RAP1GAP2: variants seen among roughly 807,000 people sequenced by gnomAD.
The protein encoded by RAP1GAP2 is rap1 GTPase-activating protein 2.
Under a neutral mutation model 95.0 loss-of-function variants are expected in RAP1GAP2, and 27 were observed. The observed-to-expected ratio is 0.28, with a 90% confidence interval of 0.21 to 0.39. The LOEUF (loss-of-function observed/expected upper bound fraction) is 0.39. RAP1GAP2 is among the 10% of genes least tolerant of loss of function. The pLI, the probability that RAP1GAP2 is intolerant of heterozygous loss-of-function variation, is 1.00. For synonymous variants in RAP1GAP2, 373 were observed against 380.9 expected (o/e 0.98, Z 0.24); for missense variants, 771 against 970.0 (o/e 0.79, Z 2.72).
intron 3 of RAP1GAP2, among the ~76,000 whole-genome samples, chr17:2,931,805 G>C (rs1177022094): frequency 6.6e-6 from 1 of 152,228 alleles, no homozygotes; most frequent in Non-Finnish European, 1.5e-5. Flanking sequence ...CAAGTGAGGA[G>C]GCTGGCGCCT....
rs1567829696 is a variant in RAP1GAP2, at chr17:2,963,475, C to T, written c.279+13C>T. On this transcript the variant is annotated intron_variant, in intron 6 of 24. Coordinates refer to ENST00000254695, the MANE Select transcript of RAP1GAP2 (RefSeq NM_015085.5). The surrounding 1 kb of genome is among the most constrained non-coding windows in gnomAD (Gnocchi z 4.8). ...CAGCATCGACGAGGTAGGTGCCCTC[C>T]CCTCACTCCCACCTGCCCTGCAGCC... 2.5e-6 allele frequency: 4 copies of T among 1,613,826 alleles called. No individual in the cohort carries two copies. In the South Asian group the frequency reaches 3.3e-5, roughly 13 times the overall value.
At chr17:2,795,108 C>T (rs184040859), upstream of RAP1GAP2, among the ~76,000 whole-genome samples, 3 of 151,936 alleles carry the variant, frequency 2.0e-5, no homozygotes, top group African/African-American at 7.2e-5. Context: ...GAACTCCTGA[C>T]CTCAGGTGAT....
intron 13 of RAP1GAP2, among the ~76,000 whole-genome samples, chr17:2,997,482 T>C (rs1394813698): frequency 6.6e-6 from 1 of 152,194 alleles, no homozygotes; most frequent in South Asian, 2.1e-4. Flanking sequence ...AATGACAGGC[T>C]CTACCAGGGC....
intron 2 of RAP1GAP2, among the ~76,000 whole-genome samples, chr17:2,816,486 C>T (rs1052817410): frequency 3.9e-5 from 6 of 151,900 alleles, no homozygotes; most frequent in Admixed American, 3.3e-4. Flanking sequence ...CACAGGCGCC[C>T]GACACCACAC....
At chr17:2,766,124 G>C (rs545032426) in intron 1 of RAP1GAP2, among the ~76,000 whole-genome samples, 15 of 152,310 alleles carry the variant, frequency 9.8e-5, no homozygotes, top group African/African-American at 3.6e-4. Flanking sequence ...CCATGGGGGC[G>C]GTGGCAGCCT....
chr17:2,809,485 G>A (rs1234852817), intron 2 of RAP1GAP2, among the ~76,000 whole-genome samples: 3 of 152,102 alleles, frequency 2.0e-5, no homozygotes, highest in East Asian at 3.9e-4. Context: ...CCCGCCAGCC[G>A]AGACCCAACC....
intron 12 of RAP1GAP2, among the ~76,000 whole-genome samples, chr17:2,993,988 G>T (rs1213916369): frequency 6.6e-6 from 1 of 152,240 alleles, no homozygotes; most frequent in East Asian, 1.9e-4. Flanking sequence ...TGAGGCTGCA[G>T]TCAGCCATGA....
intron 2 of RAP1GAP2, among the ~76,000 whole-genome samples, chr17:2,828,464 A>C (rs1422619122): frequency 2.0e-5 from 3 of 150,824 alleles, no homozygotes; most frequent in Admixed American, 2.0e-4. Flanking sequence ...CGAAGGAAGA[A>C]AAGGAGCCAG....
chr17:2,794,143 G>A (rs922202957), upstream of RAP1GAP2, among the ~76,000 whole-genome samples: 3 of 151,152 alleles, frequency 2.0e-5, no homozygotes, highest in Admixed American at 1.3e-4. Flanking sequence ...TTCTCTGTCA[G>A]TTCTCTTCTC....
chr17:2,866,692 C>T lies in RAP1GAP2; in HGVS notation c.81-38592C>T, dbSNP rs1247777693. Among the ~76,000 whole-genome samples, 12 of 151,926 alleles carry T rather than the reference C, an allele frequency of 7.9e-5. No homozygotes were observed. Among genetic ancestry groups the T allele is most frequent in the Non-Finnish European group, 7.4e-5 (5 of 67,990 alleles). Reference sequence around the variant, plus strand: ...TCGGCTCACTGCAGCCTCCGCCTCCCGGGTTCAAGCGATTCTCCTGTCTCA... The same window carrying T: ...TCGGCTCACTGCAGCCTCCGCCTCCTGGGTTCAAGCGATTCTCCTGTCTCA... On this transcript the variant is annotated intron_variant, in intron 2 of 24. Transcript: ENST00000254695. The surrounding 1 kb of genome is among the most constrained non-coding windows in gnomAD (Gnocchi z 4.0).
intron 12 of RAP1GAP2, among the ~76,000 whole-genome samples, chr17:2,992,492 AG>A (rs2045797767): frequency 6.6e-6 from 1 of 152,054 alleles, no homozygotes; most frequent in African/African-American, 2.4e-5. Context: ...GCAGTAAGAT[AG>A]AACATTGGGG....
chr17:2,858,752 A>T (rs2072251500), intron 2 of RAP1GAP2, among the ~76,000 whole-genome samples: 1 of 152,154 alleles, frequency 6.6e-6, no homozygotes, highest in Non-Finnish European at 1.5e-5. Flanking sequence ...TCTACAAAAA[A>T]AATAAAAAAA....
intron 8 of RAP1GAP2, among the ~76,000 whole-genome samples, chr17:2,977,030 G>A (rs562804919): frequency 1.3e-4 from 19 of 151,652 alleles, no homozygotes; most frequent in South Asian, 2.1e-4. Context: ...CCAGCTACTC[G>A]GGAGGCGGAG....
chr17:2,889,392 T>G (rs1316697018), intron 2 of RAP1GAP2, among the ~76,000 whole-genome samples: 1 of 152,028 alleles, frequency 6.6e-6, no homozygotes, highest in East Asian at 1.9e-4. Flanking sequence ...GTGGTCAGGG[T>G]GCGTGTTAGA....
chr17:2,816,662 CT>C (rs2070044779), intron 2 of RAP1GAP2, among the ~76,000 whole-genome samples: 1 of 125,260 alleles, frequency 8.0e-6, no homozygotes, highest in Admixed American at 7.6e-5. Flanking sequence ...TATTATAAAA[CT>C]TACCATTTAA....
intron 2 of RAP1GAP2, among the ~76,000 whole-genome samples, chr17:2,872,213 C>CAA (rs562587177): frequency 0.16 from 11,925 of 75,330 alleles, 1,298 homozygotes; most frequent in African/African-American, 0.25. Context: ...GCCTCTGTCT[C>CAA]AAAAAAAAAA....
intron 3 of RAP1GAP2, among the ~76,000 whole-genome samples, chr17:2,948,603 TG>T (rs1395634827): frequency 6.8e-6 from 1 of 147,890 alleles, no homozygotes; most frequent in Non-Finnish European, 1.5e-5. Flanking sequence ...AAGGAAGAGG[TG>T]GCTGCCTGTC....
chr17:3,010,509 G>A (rs1423675527), intron 17 of RAP1GAP2, among the ~76,000 whole-genome samples: 1 of 152,160 alleles, frequency 6.6e-6, no homozygotes, highest in Non-Finnish European at 1.5e-5. Context: ...TCCTGGAGAT[G>A]CTTGTAGGCT....
intron 2 of RAP1GAP2, among the ~76,000 whole-genome samples, chr17:2,842,795 G>T (rs888192391): frequency 1.3e-5 from 2 of 151,976 alleles, no homozygotes; most frequent in African/African-American, 4.8e-5. Flanking sequence ...CTGAGACCTC[G>T]CTGTCCCACC....
Sources: gnomAD v4.1 joint callset for allele counts (sites outside exome capture counted in the v4.1 genomes callset) on GRCh38, gnomAD v4.1.1 for gene constraint, Gnocchi (gnomAD v3.1) non-coding constraint, MANE v1.5 for transcripts, NCBI Gene and HGNC (gene_info 2026-07-23, HGNC 2026-07-21) for gene names.